CNTN6: variants seen among roughly 807,000 people sequenced by gnomAD.
CNTN6 encodes the protein contactin 6, also known as contactin-6.
Under a neutral mutation model 122.8 loss-of-function variants are expected in CNTN6, and 137 were observed. The ratio of observed to expected loss-of-function variants is 1.12; its 90% CI spans 0.97 to 1.29. The LOEUF (loss-of-function observed/expected upper bound fraction) is 1.29, where lower values mean the gene tolerates loss of function less well. Ranked by LOEUF, CNTN6 falls within the 50% of genes most tolerant of loss-of-function variation. The pLI is 0.00. For missense variants in CNTN6, 1,634 were observed against 1,223.4 expected (o/e 1.34, Z -5.01); for synonymous variants, 570 against 426.0 (o/e 1.34, Z -4.16).
At chr3:1,283,257 C>T (rs1014411161) in intron 5 of CNTN6, among the ~76,000 whole-genome samples, 2 of 152,072 alleles carry the variant, frequency 1.3e-5, no homozygotes, top group African/African-American at 4.8e-5. Flanking sequence ...TCCCAGCCCA[C>T]AAAACTTATT....
chr3:1,266,761 G>T (rs1355459355), intron 4 of CNTN6, among the ~76,000 whole-genome samples: 2 of 152,118 alleles, frequency 1.3e-5, no homozygotes, highest in African/African-American at 4.8e-5. Flanking sequence ...TCTAATGAGA[G>T]TCACACATGT....
chr3:1,312,501 T>A (rs1357983834), intron 7 of CNTN6, among the ~76,000 whole-genome samples: 11 of 151,934 alleles, frequency 7.2e-5, no homozygotes, highest in African/African-American at 2.7e-4. Context: ...GTTGTTTGTT[T>A]CCTATTTTCC....
chr3:1,168,065 G>T (rs142791889), intron 2 of CNTN6, among the ~76,000 whole-genome samples: 1 of 151,828 alleles, frequency 6.6e-6, no homozygotes, highest in African/African-American at 2.4e-5. Context: ...ACGCCACCAC[G>T]CCTGGGTAGT....
intron 11 of CNTN6, among the ~76,000 whole-genome samples, chr3:1,336,178 A>T (rs1268665028): frequency 7.3e-6 from 1 of 136,430 alleles, no homozygotes; most frequent in Non-Finnish European, 1.6e-5. Context: ...CAAATAAATA[A>T]AATAAAATAA....
At chr3:1,320,209 A>G (rs1236683066) in intron 7 of CNTN6, among the ~76,000 whole-genome samples, 1 of 151,750 alleles carries the variant, frequency 6.6e-6, no homozygotes, top group African/African-American at 2.4e-5. Context: ...AGGCAATTCA[A>G]AATTCAAGTT....
intron 11 of CNTN6, among the ~76,000 whole-genome samples, chr3:1,350,294 C>T (rs1213486586): frequency 6.6e-6 from 1 of 151,680 alleles, no homozygotes. Context: ...CTAGTGATGA[C>T]TCTGCTGAAA....
chr3:1,359,167 A>G (rs1174565362), intron 12 of CNTN6, among the ~76,000 whole-genome samples: 4 of 152,134 alleles, frequency 2.6e-5, no homozygotes, highest in Non-Finnish European at 4.4e-5. Context: ...TATAAGAAAT[A>G]TAAATATGAT....
intron 1 of CNTN6, among the ~76,000 whole-genome samples, chr3:1,108,136 A>G (rs1003076348): frequency 6.6e-6 from 1 of 152,182 alleles, no homozygotes; most frequent in Middle Eastern, 3.4e-3. Flanking sequence ...TTCCTTAGAG[A>G]ATAAATGTTT....
chr3:1,294,136 G>C (rs1695803749), intron 5 of CNTN6, among the ~76,000 whole-genome samples: 1 of 152,142 alleles, frequency 6.6e-6, no homozygotes, highest in Non-Finnish European at 1.5e-5. Flanking sequence ...TATACAGACA[G>C]TCTTAGACAA....
In CNTN6 at chr3:1,278,466, C is replaced by A; in HGVS notation, c.412C>A (p.Gln138Lys). The A allele has an allele frequency of 6.2e-7, 1 of 1,612,628 alleles. No individual in the cohort carries two copies. Among genetic ancestry groups the A allele is most frequent in the East Asian group, 2.2e-5 (1 of 44,852 alleles). The change falls in exon 5 of 23, where the codon CAA (glutamine) becomes AAA (lysine). Residue 138 changes from glutamine (Q) to lysine (K), a missense_variant. Coordinates refer to ENST00000446702, the MANE Select transcript of CNTN6 (RefSeq NM_001289080.2). ...AAGCACAGTATCTGTCCGAGAAGGT[C>A]AAGGTGTGGTGCTTCTCTGTGGCCC... ...TRSTVSVREG[Q>K]GVVLLCGPPP...
At chr3:1,249,605 A>C (rs1362813911) in intron 4 of CNTN6, among the ~76,000 whole-genome samples, 1 of 152,214 alleles carries the variant, frequency 6.6e-6, no homozygotes, top group African/African-American at 2.4e-5. Flanking sequence ...TTAACAAGTC[A>C]ATTGCAGGTG....
At chr3:1,401,314 C>T in intron 20 of CNTN6, 119 bp from the exon 21 acceptor site, 1 of 738,582 alleles carries the variant, frequency 1.4e-6, no homozygotes, top group East Asian at 2.8e-5. Context: ...ACACTGAAGA[C>T]ATTTTAGCTC....
intron 20 of CNTN6, among the ~76,000 whole-genome samples, chr3:1,388,147 G>A (rs544876974): frequency 6.6e-5 from 10 of 152,038 alleles, no homozygotes; most frequent in African/African-American, 2.2e-4. Flanking sequence ...AACGTCTGCA[G>A]AGTTAAATGT....
chr3:1,242,256 G>A (rs1012964405), intron 4 of CNTN6, among the ~76,000 whole-genome samples: 35 of 152,274 alleles, frequency 2.3e-4, no homozygotes, highest in Admixed American at 7.2e-4. Flanking sequence ...AGGCTGGGAC[G>A]AGGGGTGCAG....
chr3:1,330,381 T>A (rs1418154961), intron 11 of CNTN6, among the ~76,000 whole-genome samples: 1 of 151,774 alleles, frequency 6.6e-6, no homozygotes, highest in African/African-American at 2.4e-5. Flanking sequence ...GTAGAGAGGT[T>A]CCTGTAGAGA....
chr3:1,164,854 T>C (rs59838946), intron 2 of CNTN6, among the ~76,000 whole-genome samples: 2,923 of 152,268 alleles, frequency 0.019, 77 homozygotes, highest in African/African-American at 0.065. Context: ...AGGGAGCATG[T>C]TAATTCATGC....
intron 3 of CNTN6, among the ~76,000 whole-genome samples, chr3:1,226,959 G>A (rs893531121): frequency 5.3e-5 from 8 of 152,082 alleles, no homozygotes; most frequent in African/African-American, 1.7e-4. Flanking sequence ...AGATATATAC[G>A]ATTCATGCTT....
intron 7 of CNTN6, among the ~76,000 whole-genome samples, chr3:1,319,855 A>AAATAAAATAG (rs1553682039): frequency 6.6e-6 from 1 of 150,492 alleles, no homozygotes; most frequent in East Asian, 1.9e-4. Flanking sequence ...AAATAAAATA[A>AAATAAAATAG]AATAAAATAA....
chr3:1,128,411 A>G (rs909672627), intron 1 of CNTN6: 1 of 151,988 alleles, frequency 6.6e-6, no homozygotes, highest in Admixed American at 6.6e-5. Flanking sequence ...CATCTGGTCA[A>G]CATCACTAAT....
Sources: gnomAD v4.1 joint callset for allele counts (sites outside exome capture counted in the v4.1 genomes callset) on GRCh38, gnomAD v4.1.1 for gene constraint, MANE v1.5 for transcripts, NCBI Gene and HGNC (gene_info 2026-07-23, HGNC 2026-07-21) for gene names.